Variants in ZNF91 observed in about 807,000 individuals in gnomAD.
The protein encoded by ZNF91 is zinc finger protein 91 (HPF7, HTF10).
Under a neutral mutation model 12.6 loss-of-function variants are expected in ZNF91, and 7 were observed. That is an observed-to-expected ratio of 0.55 (90% CI 0.31 to 1.04). The LOEUF (loss-of-function observed/expected upper bound fraction) is 1.04, where lower values mean the gene tolerates loss of function less well. Ranked by LOEUF, ZNF91 falls within the 50% of genes least tolerant of loss-of-function variation. ZNF91 has a pLI of 0.05. For missense variants in ZNF91, 1,217 were observed against 1,385.4 expected, an observed-to-expected ratio of 0.88 and a Z score of 1.93; for synonymous variants, 453 against 462.6, an observed-to-expected ratio of 0.98 and a Z score of 0.27.
In ZNF91 at chr19:23,380,125, T is replaced by TG. The variant is rs60030527; in HGVS notation, c.31-5362dup. ...AAAATAAAAAATTTGCTGGGCATGG[T>TG]GGTGGGCACCTGTAATCCAAGCACT... On this transcript the variant is annotated intron_variant, in intron 1 of 3. Coordinates refer to ENST00000300619, the MANE Select transcript of ZNF91 (RefSeq NM_003430.4). Among the ~76,000 whole-genome samples the TG allele has an allele frequency of 4.4e-3, 663 of 151,622 alleles. 4 individuals carry two copies. Among genetic ancestry groups the TG allele is most frequent in the African/African-American group, 0.015 (637 of 41,388 alleles).
chr19:23,317,490 G>A (rs1380097803), intron 1 of ZNF91, among the ~76,000 whole-genome samples: 3 of 152,132 alleles, frequency 2.0e-5, no homozygotes, highest in Non-Finnish European at 4.4e-5. Flanking sequence ...AGATCTCAGA[G>A]CATATTGAGA....
chr19:23,338,689 A>AAAACCTTTTG (rs1265621459), downstream of ZNF91: 1 of 152,162 alleles, frequency 6.6e-6, no homozygotes, highest in African/African-American at 2.4e-5. Context: ...AATAATTAAC[A>AAAACCTTTTG]TTATGATAGT....
chr19:23,311,280 G>A (rs964729358), upstream of ZNF91, among the ~76,000 whole-genome samples: 3 of 152,200 alleles, frequency 2.0e-5, no homozygotes, highest in African/African-American at 7.2e-5. Context: ...CTGCATCCAG[G>A]TGATGTGACT....
chr19:23,305,079 A>C (rs1307202930), exon 4 of ZNF91: 1 of 152,184 alleles, frequency 6.6e-6, no homozygotes, highest in Non-Finnish European at 1.5e-5. Flanking sequence ...TGACTGAAGA[A>C]GTGACTTCTT....
chr19:23,325,345 AG>A (rs1250675466), intron 1 of ZNF91: 1 of 152,144 alleles, frequency 6.6e-6, no homozygotes, highest in African/African-American at 2.4e-5. Context: ...GTCAGTTGCC[AG>A]GTGCCCAATG....
At chr19:23,336,914 T>C (rs1347695210), downstream of ZNF91, among the ~76,000 whole-genome samples, 1 of 152,168 alleles carries the variant, frequency 6.6e-6, no homozygotes, top group African/African-American at 2.4e-5. Context: ...ATAGTTAATG[T>C]CATGGGAAAC....
chr19:23,332,491 G>A (rs1967943329), intron 1 of ZNF91, among the ~76,000 whole-genome samples: 1 of 151,742 alleles, frequency 6.6e-6, no homozygotes, highest in Non-Finnish European at 1.5e-5. Flanking sequence ...TTGTCTCCAG[G>A]GCTGTGCTTC....
downstream of ZNF91, among the ~76,000 whole-genome samples, chr19:23,334,572 A>G (rs1599696374): frequency 6.6e-6 from 1 of 152,324 alleles, no homozygotes; most frequent in Admixed American, 6.5e-5. Context: ...GGTGAGAAAC[A>G]TTTATTTTCC....
downstream of ZNF91, chr19:23,337,752 T>A (rs1018807715): frequency 6.6e-6 from 1 of 151,854 alleles, no homozygotes; most frequent in Non-Finnish European, 1.5e-5. Context: ...AGTACAAAAA[T>A]AAATAAATAA....
chr19:23,325,937 C>T (rs1349411366), intron 1 of ZNF91: 1 of 152,198 alleles, frequency 6.6e-6, no homozygotes, highest in East Asian at 1.9e-4. Flanking sequence ...AAAATCCAAA[C>T]TCCTTCACTT....
chr19:23,394,276 C>T (rs1053470371), intron 1 of ZNF91, among the ~76,000 whole-genome samples: 1 of 152,226 alleles, frequency 6.6e-6, no homozygotes, highest in Admixed American at 6.5e-5. Context: ...TGAGGTGGCT[C>T]TAGTCCTCGG....
downstream of ZNF91, among the ~76,000 whole-genome samples, chr19:23,357,007 T>C (rs956098320): frequency 1.3e-5 from 2 of 152,076 alleles, no homozygotes; most frequent in Non-Finnish European, 2.9e-5. Flanking sequence ...GACGGGTGGA[T>C]CACGAGGTCA....
chr19:23,372,459 A>G (rs1281950211), intron 3 of ZNF91, among the ~76,000 whole-genome samples: 1 of 152,226 alleles, frequency 6.6e-6, no homozygotes, highest in African/African-American at 2.4e-5. Flanking sequence ...TCTGAGATCC[A>G]GGATGGGAGT....
chr19:23,334,838 G>A (rs11670834), downstream of ZNF91, among the ~76,000 whole-genome samples: 1 of 152,104 alleles, frequency 6.6e-6, no homozygotes, highest in Non-Finnish European at 1.5e-5. Context: ...AAAATAAGCA[G>A]AAGACCTTAC....
intron 3 of ZNF91, chr19:23,339,738 A>C (rs1460016745): frequency 6.6e-6 from 1 of 152,058 alleles, no homozygotes; most frequent in Non-Finnish European, 1.5e-5. Context: ...TAAGAAGTTT[A>C]ACACTAGCCT....
upstream of ZNF91, among the ~76,000 whole-genome samples, chr19:23,312,738 T>A (rs1287755888): frequency 6.6e-6 from 1 of 152,166 alleles, no homozygotes; most frequent in Non-Finnish European, 1.5e-5. Flanking sequence ...ACAGGTACAA[T>A]CATGATTCAT....
intron 1 of ZNF91, among the ~76,000 whole-genome samples, chr19:23,309,371 G>A (rs911438244): frequency 2.0e-5 from 3 of 152,136 alleles, no homozygotes; most frequent in Non-Finnish European, 4.4e-5. Context: ...TGGAACCCAC[G>A]AACCAGGTGA....
At chr19:23,376,641 G>T (rs551700977) in intron 1 of ZNF91, among the ~76,000 whole-genome samples, 1 of 151,924 alleles carries the variant, frequency 6.6e-6, no homozygotes, top group East Asian at 1.9e-4. Flanking sequence ...TGCCCGCCTC[G>T]GCCTCCCAAA....
rs1468267965 is a variant in ZNF91, at chr19:23,358,699, T to G, written c.*704A>C. ...CAAAGCTTGGCCACATTGTTCACAC[T>G]GGTAGTTTTCTCCAGTATGAATTAT... On this transcript the variant is annotated 3_prime_UTR_variant, in exon 4 of 4. Transcript: ENST00000300619. 6.4e-6 allele frequency: 1 copy of G among 157,442 alleles called. No homozygotes were observed. The highest frequency in any genetic ancestry group is 1.4e-5 in the Non-Finnish European group (1 of 71,066). The allele number at this position is 157,442 out of a possible 1,614,324, so 9.8% of individuals were successfully genotyped here. A position where few individuals can be genotyped will look rare whatever the true frequency, so the allele number is the denominator to read the frequency against.
Sources: allele counts gnomAD v4.1 joint callset (sites outside exome capture counted in the v4.1 genomes callset), GRCh38; gene constraint gnomAD v4.1.1; transcripts MANE v1.5; gene names NCBI Gene and HGNC (gene_info 2026-07-23, HGNC 2026-07-21).